The following TNRC6B variants were observed in gnomAD, a reference collection of about 807,000 sequenced individuals.
TNRC6B encodes trinucleotide repeat containing adaptor 6B.
In TNRC6B, 52 loss-of-function variants were observed where a neutral mutation model predicts 203.6. The observed-to-expected ratio is 0.26, with a 90% CI of 0.20 to 0.32. The LOEUF (loss-of-function observed/expected upper bound fraction) is 0.32. Among genes scored for constraint, TNRC6B ranks in the 10% least tolerant of loss-of-function variants. TNRC6B has a pLI of 1.00. For synonymous variants in TNRC6B, 838 were observed against 845.7 expected, an observed-to-expected ratio of 0.99 and a Z score of 0.16; for missense variants, 1,923 against 2,286.2, an observed-to-expected ratio of 0.84 and a Z score of 3.24.
intron 2 of TNRC6B, among the ~76,000 whole-genome samples, chr22:40,117,834 G>A (rs998500904): frequency 5.9e-5 from 9 of 152,020 alleles, no homozygotes; most frequent in African/African-American, 2.2e-4. Context: ...TGTTATTACA[G>A]TAATAAATTA....
At chr22:40,214,226 C>G (rs2069602763) in intron 1 of TNRC6B, among the ~76,000 whole-genome samples, 1 of 151,904 alleles carries the variant, frequency 6.6e-6, no homozygotes, top group Admixed American at 6.5e-5. Flanking sequence ...GAGATTGCAC[C>G]ACTGCACTCT....
intron 12 of TNRC6B, among the ~76,000 whole-genome samples, chr22:40,294,095 A>T (rs1448504457): frequency 2.5e-5 from 3 of 118,902 alleles, no homozygotes; most frequent in East Asian, 2.8e-4. Context: ...AAAAAAAAAA[A>T]TACAAAAATT....
intron 8 of TNRC6B, among the ~76,000 whole-genome samples, chr22:40,277,762 C>T (rs1172133884): frequency 6.6e-6 from 1 of 152,170 alleles, no homozygotes; most frequent in Non-Finnish European, 1.5e-5. Flanking sequence ...ATCTATTGCT[C>T]TCTTTGTAGA....
Position 40,330,190 on chromosome 22 carries a change from T to G in TNRC6B, c.*6949T>G, listed in dbSNP as rs191075527. The G allele has an allele frequency of 2.0e-5, 3 of 152,242 alleles. No individual in the cohort carries two copies. Among genetic ancestry groups the G allele is most frequent in the African/African-American group, 7.2e-5 (3 of 41,466 alleles). The allele number at this position is 152,242 out of a possible 1,614,324, so 9.4% of individuals were successfully genotyped here. On this transcript the variant is annotated 3_prime_UTR_variant, in exon 23 of 23. Transcript: ENST00000454349. The stretch of plus-strand genomic sequence containing the variant: ...ACAAGTTGGGATGGTTTTTGTTTTT[T>G]TCTTTTTTTTCAAAAAGGGAAATTC...
intron 1 of TNRC6B, among the ~76,000 whole-genome samples, chr22:40,237,036 A>G (rs998081987): frequency 2.0e-5 from 3 of 152,144 alleles, no homozygotes; most frequent in Admixed American, 6.5e-5. Context: ...GTGGTGGTGC[A>G]TGCCTGTAAT....
At chr22:40,128,290 AAATC>A (rs1205422743) in intron 3 of TNRC6B, among the ~76,000 whole-genome samples, 4 of 152,116 alleles carry the variant, frequency 2.6e-5, no homozygotes, top group African/African-American at 4.8e-5. Flanking sequence ...CCGAGGGTGT[AAATC>A]AATCAATCAA....
At chr22:40,268,991 T>C (rs977613155) in intron 5 of TNRC6B, among the ~76,000 whole-genome samples, 18 of 151,468 alleles carry the variant, frequency 1.2e-4, no homozygotes, top group African/African-American at 4.4e-4. Context: ...CTTAGAAGTT[T>C]GTGTCCCATT....
chr22:40,146,335 T>G lies in TNRC6B; in HGVS notation c.46-9780T>G, dbSNP rs1463222408. 2.0e-5 allele frequency among the ~76,000 whole-genome samples: 3 copies of G among 152,126 alleles called. No individual in the cohort carries two copies. The East Asian group carries it at 5.8e-4, about 29-fold the overall frequency. Reference sequence around the variant, plus strand: ...GGAAGATCACCCTGGATCAAAGAGATGGCCCTAGAGCTGATGACTGAATGA... The same window carrying G: ...GGAAGATCACCCTGGATCAAAGAGAGGGCCCTAGAGCTGATGACTGAATGA... On this transcript the variant is annotated intron_variant, in intron 3 of 23. Transcript: ENST00000301923.
intron 1 of TNRC6B, among the ~76,000 whole-genome samples, chr22:40,115,904 C>T (rs59681427): frequency 0.057 from 8,679 of 152,192 alleles, 788 homozygotes; most frequent in African/African-American, 0.19. Flanking sequence ...ATTTGCTCTT[C>T]AGCAAGAAAG....
intron 16 of TNRC6B, among the ~76,000 whole-genome samples, chr22:40,309,329 A>G (rs1030364772): frequency 6.6e-6 from 1 of 152,236 alleles, no homozygotes; most frequent in Non-Finnish European, 1.5e-5. Flanking sequence ...ATGAGAACCA[A>G]GTATAAATAG....
intron 1 of TNRC6B, among the ~76,000 whole-genome samples, chr22:40,206,006 C>T (rs994629665): frequency 6.6e-6 from 1 of 152,214 alleles, no homozygotes; most frequent in Non-Finnish European, 1.5e-5. Flanking sequence ...AGAGCTGCCT[C>T]CTGGGCCTTT....
At position 40,265,982 on chromosome 22, in the gene TNRC6B, C is replaced by G; in HGVS notation, c.1752C>G (p.Asp584Glu). Residue 584 changes from aspartate to glutamate, a missense_variant, in exon 5 of 23, where the codon GAC becomes GAG. Transcript: ENST00000454349. ...TGSNHKAGSS[D>E]SHNSGRRSYR... is the part of the protein sequence containing the mutation. ...GCAACCACAAAGCAGGAAGTAGTGA[C>G]AGTCATAACTCTGGCCGTCGGTCGT... The G allele has an allele frequency of 1.2e-6, 2 of 1,613,978 alleles. No individual in the cohort carries two copies. Among genetic ancestry groups the G allele is most frequent in the African/African-American group, 1.3e-5 (1 of 75,064 alleles).
In TNRC6B at chr22:40,211,103, TTTC is replaced by T. The variant is rs1283086609; in HGVS notation, c.5+32970_5+32972del. Among the ~76,000 whole-genome samples the T allele has an allele frequency of 1.7e-4, 16 of 92,820 alleles. No homozygotes were observed. In the Middle Eastern group the frequency reaches 0.013, roughly 73 times the overall value. 60.9% of individuals were successfully genotyped at this position (92,820 alleles called of 152,430 possible). ...CTGCTTCCTGAATATCTTAGTGAGA[TTTC>T]TTCTTCATCTTCTTCTTCTTTTTTG... On this transcript the variant is annotated intron_variant, in intron 1 of 22. Coordinates refer to ENST00000454349, the MANE Select transcript of TNRC6B (RefSeq NM_001162501.2).
At chr22:40,319,057 C>T (rs549904722) in intron 21 of TNRC6B, among the ~76,000 whole-genome samples, 3 of 152,050 alleles carry the variant, frequency 2.0e-5, no homozygotes, top group South Asian at 2.1e-4. Context: ...GGTAACAGAG[C>T]GAGACGCTGT....
intron 2 of TNRC6B, among the ~76,000 whole-genome samples, chr22:40,121,952 T>A (rs1234698100): frequency 1.3e-5 from 2 of 152,206 alleles, no homozygotes; most frequent in African/African-American, 4.8e-5. Flanking sequence ...AAGCCTAATA[T>A]AAGCTTCTAC....
At chr22:40,301,513 C>T (rs1405642863) in intron 15 of TNRC6B, 180 bp downstream of exon 15, 1 of 662,458 alleles carries the variant, frequency 1.5e-6, no homozygotes, top group Admixed American at 3.0e-5. Context: ...GTTTCCAGAG[C>T]TCACCACATG....
intron 3 of TNRC6B, among the ~76,000 whole-genome samples, chr22:40,135,466 A>T (rs966288032): frequency 6.6e-6 from 1 of 152,176 alleles, no homozygotes; most frequent in Non-Finnish European, 1.5e-5. Flanking sequence ...TTTTATTTTT[A>T]TTTTAGCAAC....
intron 1 of TNRC6B, among the ~76,000 whole-genome samples, chr22:40,100,861 A>C (rs1289870287): frequency 1.3e-5 from 2 of 152,170 alleles, no homozygotes. Flanking sequence ...AGTCAGTAAC[A>C]CCTAGAGATA....
chr22:40,156,250 G>T, intron 4 of TNRC6B: 3 of 1,442,542 alleles, frequency 2.1e-6, no homozygotes, highest in Non-Finnish European at 2.9e-6. Context: ...TCAACATGCT[G>T]ATAAGCGTGT....
Sources: allele counts gnomAD v4.1 joint callset (sites outside exome capture counted in the v4.1 genomes callset), GRCh38; gene constraint gnomAD v4.1.1; transcripts MANE v1.5; gene names NCBI Gene and HGNC (gene_info 2026-07-23, HGNC 2026-07-21).